Variants in NEGR1 observed in about 807,000 individuals in gnomAD.
NEGR1 encodes neuronal growth regulator 1, also known as IgLON family member 4.
A neutral mutation model predicts 40.9 loss-of-function variants in NEGR1; 10 were observed. The ratio of observed to expected loss-of-function variants is 0.24; its 90% CI spans 0.15 to 0.42. NEGR1 has a LOEUF of 0.42. NEGR1 is among the 10% of genes least tolerant of loss of function. The pLI is 1.00. For synonymous variants in NEGR1, 185 were observed against 166.8 expected, an observed-to-expected ratio of 1.11 and a Z score of -0.84; for missense variants, 352 against 438.9, an observed-to-expected ratio of 0.80 and a Z score of 1.77.
At chr1:72,046,123 G>T (rs1240415774) in intron 1 of NEGR1, among the ~76,000 whole-genome samples, 2 of 151,690 alleles carry the variant, frequency 1.3e-5, no homozygotes, top group Non-Finnish European at 3.0e-5. Flanking sequence ...TGTAAAACAA[G>T]TCATTCAACC....
chr1:72,071,172 G>A (rs532321309), intron 1 of NEGR1, among the ~76,000 whole-genome samples: 1 of 152,022 alleles, frequency 6.6e-6, no homozygotes, highest in Admixed American at 6.6e-5. Flanking sequence ...CTAGAAAAGT[G>A]TTTATTGAAA....
intron 3 of NEGR1, among the ~76,000 whole-genome samples, chr1:71,755,849 C>T (rs1570302916): frequency 6.6e-6 from 1 of 152,188 alleles, no homozygotes; most frequent in East Asian, 1.9e-4. Context: ...TAAATTCTGG[C>T]ACAAAGTCTG....
chr1:72,268,919 G>GA (rs779830142), intron 1 of NEGR1, among the ~76,000 whole-genome samples: 3 of 151,322 alleles, frequency 2.0e-5, no homozygotes, highest in African/African-American at 7.3e-5. Flanking sequence ...CAATATGAGA[G>GA]AAAAATAGTA....
intron 2 of NEGR1, among the ~76,000 whole-genome samples, chr1:71,834,027 T>G (rs993836497): frequency 3.3e-5 from 5 of 152,134 alleles, no homozygotes; most frequent in Non-Finnish European, 7.4e-5. Flanking sequence ...AATAAATGTT[T>G]GTTGAACAAA....
intron 1 of NEGR1, among the ~76,000 whole-genome samples, chr1:72,205,814 A>T (rs1267777960): frequency 6.7e-6 from 1 of 149,870 alleles, no homozygotes; most frequent in African/African-American, 2.5e-5. Flanking sequence ...TGGTGGTGCA[A>T]GCCTGGTAGG....
intron 6 of NEGR1, among the ~76,000 whole-genome samples, chr1:71,512,224 T>C (rs11209790): frequency 0.04 from 6,128 of 152,204 alleles, 404 homozygotes; most frequent in African/African-American, 0.14. Flanking sequence ...TGATATGAAA[T>C]GTTCTCTATT....
intron 1 of NEGR1, among the ~76,000 whole-genome samples, chr1:72,156,906 T>C (rs1382875325): frequency 2.0e-5 from 3 of 151,972 alleles, no homozygotes; most frequent in Non-Finnish European, 2.9e-5. Flanking sequence ...CATTCTATTC[T>C]ATATATTAAT....
chr1:71,571,933 A>C (rs1306464572), intron 6 of NEGR1, among the ~76,000 whole-genome samples: 1 of 152,128 alleles, frequency 6.6e-6, no homozygotes, highest in Non-Finnish European at 1.5e-5. Flanking sequence ...TTTTAAGCTA[A>C]TTTTCACACA....
intron 6 of NEGR1, among the ~76,000 whole-genome samples, chr1:71,469,607 G>T (rs183178179): frequency 6.6e-6 from 1 of 152,134 alleles, no homozygotes; most frequent in East Asian, 1.9e-4. Context: ...ACCCAGCTGA[G>T]ACCTTGTCTG....
intron 2 of NEGR1, among the ~76,000 whole-genome samples, chr1:71,797,731 A>C (rs1007175280): frequency 1.3e-5 from 2 of 152,136 alleles, no homozygotes; most frequent in African/African-American, 4.8e-5. Context: ...GGCTCTGAAT[A>C]ATGTATACAT....
At chr1:71,826,828 C>A (rs1658643126) in intron 2 of NEGR1, among the ~76,000 whole-genome samples, 1 of 151,846 alleles carries the variant, frequency 6.6e-6, no homozygotes, top group South Asian at 2.1e-4. Context: ...TGAAATGACT[C>A]CTTTTATGGA....
chr1:72,224,940 T>C (rs918168597), intron 1 of NEGR1, among the ~76,000 whole-genome samples: 2 of 152,058 alleles, frequency 1.3e-5, no homozygotes, highest in African/African-American at 4.8e-5. Context: ...TTATAGTTAT[T>C]TCAATGGCTT....
intron 2 of NEGR1, among the ~76,000 whole-genome samples, chr1:71,917,980 G>T (rs1287711627): frequency 6.6e-6 from 1 of 150,494 alleles, no homozygotes; most frequent in Non-Finnish European, 1.5e-5. Flanking sequence ...CACTTTGGGA[G>T]GCCGAGGCGG....
chr1:71,437,152 ATAAT>A (rs1250956261), intron 6 of NEGR1, among the ~76,000 whole-genome samples: 2 of 152,158 alleles, frequency 1.3e-5, no homozygotes, highest in Non-Finnish European at 2.9e-5. Flanking sequence ...TTACTTGAAT[ATAAT>A]TAATTAGTAA....
chr1:72,267,332 G>T (rs535062554), intron 1 of NEGR1, among the ~76,000 whole-genome samples: 16 of 151,042 alleles, frequency 1.1e-4, no homozygotes, highest in Non-Finnish European at 2.2e-4. Flanking sequence ...ATTTGAAATA[G>T]CAAGAATAAT....
chr1:72,159,645 C>T (rs1456072989), intron 1 of NEGR1, among the ~76,000 whole-genome samples: 1 of 152,102 alleles, frequency 6.6e-6, no homozygotes, highest in African/African-American at 2.4e-5. Context: ...TTTGCTTAGA[C>T]ATTAAGTATT....
intron 2 of NEGR1, among the ~76,000 whole-genome samples, chr1:71,888,397 T>C (rs1660797078): frequency 6.6e-6 from 1 of 151,982 alleles, no homozygotes; most frequent in Non-Finnish European, 1.5e-5. Context: ...AGGCATTGCC[T>C]CACCTGGGAA....
At chr1:71,694,959 G>C (rs1462284034) in intron 4 of NEGR1, among the ~76,000 whole-genome samples, 1 of 151,766 alleles carries the variant, frequency 6.6e-6, no homozygotes, top group Admixed American at 6.6e-5. Context: ...GTTATCAGGG[G>C]ATGTGCAAGT....
At chr1:71,975,079 G>T (rs1646290017) in intron 1 of NEGR1, among the ~76,000 whole-genome samples, 1 of 152,130 alleles carries the variant, frequency 6.6e-6, no homozygotes, top group African/African-American at 2.4e-5. Context: ...ATTCCAGAAA[G>T]AACTGTTTTT....
Sources: allele counts gnomAD v4.1 joint callset (sites outside exome capture counted in the v4.1 genomes callset), GRCh38; gene constraint gnomAD v4.1.1; transcripts MANE v1.5; gene names NCBI Gene and HGNC (gene_info 2026-07-23, HGNC 2026-07-21).